Variants in BCR observed in about 807,000 individuals in gnomAD.
BCR encodes breakpoint cluster region protein.
Under a neutral mutation model 138.6 loss-of-function variants are expected in BCR, and 58 were observed. The observed-to-expected ratio is 0.42, with a 90% CI of 0.34 to 0.52. The LOEUF is 0.52. Ranked by LOEUF, BCR falls within the 20% of genes least tolerant of loss-of-function variation. The pLI, the probability that BCR is intolerant of heterozygous loss-of-function variation, is 0.06. For missense variants in BCR, 1,599 were observed against 1,727.2 expected (o/e 0.93, Z 1.32); for synonymous variants, 786 against 730.1 (o/e 1.08, Z -1.23).
chr22:23,264,212 G>A, intron 4 of BCR: 3 of 1,164,142 alleles, frequency 2.6e-6, no homozygotes, highest in Admixed American at 3.4e-5. Context: ...TACGGCTGTG[G>A]GACCGGCACC....
chr22:23,263,379 G>A (rs892259142), intron 4 of BCR: 36 of 1,247,714 alleles, frequency 2.9e-5, no homozygotes, highest in African/African-American at 5.9e-5. Context: ...CACGCGGCTC[G>A]GCACCAACCT....
intron 13 of BCR, chr22:23,289,949 G>C (rs935018464): frequency 2.0e-6 from 1 of 510,594 alleles, no homozygotes; most frequent in Non-Finnish European, 3.6e-6. Flanking sequence ...CTCTCCTCCA[G>C]CTACCTGCCA....
rs1348800073 is a variant in BCR at position 23,273,649 on chromosome 22, A to T, written c.1990A>T (p.Thr664Ser). 1.2e-6 allele frequency: 2 copies of T among 1,613,550 alleles called. No homozygotes were observed. The highest frequency in any genetic ancestry group is 1.7e-6 in the Non-Finnish European group (2 of 1,179,924). The change falls in exon 8 of 23, where the codon ACT (threonine) becomes TCT (serine). Residue 664 changes from threonine (T) to serine (S), a missense_variant. Transcript: ENST00000305877. ...TLVLHDLLKHTPASHPDHPLL... is the reference protein window; with the variant it reads ...TLVLHDLLKHSPASHPDHPLL... ...CCTGGGGCAGGACTTGCTGAAGCAC[A>T]CTCCTGCCAGCCACCCTGACCACCC...
Position 23,197,645 on chromosome 22 carries a change from C to T in BCR, c.1279+15406C>T, listed in dbSNP as rs370684961. Among the ~76,000 whole-genome samples, 12 of 152,152 alleles carry T rather than the reference C, an allele frequency of 7.9e-5. No individual in the cohort carries two copies. In the East Asian group the frequency reaches 1.7e-3, roughly 22 times the overall value. On this transcript the variant is annotated intron_variant, in intron 1 of 22. Coordinates refer to ENST00000305877, the MANE Select transcript of BCR (RefSeq NM_004327.4). ...GTTGGGGTCATCCTATGTGGGTCTC[C>T]GAAGCCAGGCTGAGGGTGTTGTGCT...
At chr22:23,296,106 T>TC (rs2073841988) in intron 16 of BCR, among the ~76,000 whole-genome samples, 2 of 152,078 alleles carry the variant, frequency 1.3e-5, no homozygotes. Context: ...CTGGGCGTGG[T>TC]GCTCACGCCT....
chr22:23,280,216 A>G lies in BCR; in HGVS notation c.2116-3761A>G, dbSNP rs545411605. Among the ~76,000 whole-genome samples, 72 of 152,316 alleles carry G rather than the reference A, an allele frequency of 4.7e-4. 1 individual carries two copies. The highest frequency in any genetic ancestry group is 1.7e-3 in the African/African-American group (72 of 41,578). Reference sequence around the variant, plus strand: ...ACTGGCCTTCCTGGGAAGGCCCTGGATAGGCTGTGCCTGGGGTTGGGGGTG... The same window carrying G: ...ACTGGCCTTCCTGGGAAGGCCCTGGGTAGGCTGTGCCTGGGGTTGGGGGTG... On this transcript the variant is annotated intron_variant, in intron 8 of 22. Coordinates refer to ENST00000305877, the MANE Select transcript of BCR (RefSeq NM_004327.4).
At chr22:23,200,823 G>A (rs1447640285) in intron 1 of BCR, among the ~76,000 whole-genome samples, 1 of 152,136 alleles carries the variant, frequency 6.6e-6, no homozygotes, top group Non-Finnish European at 1.5e-5. Context: ...GCCTCCCAAA[G>A]TGCTGGGACT....
At chr22:23,281,566 G>A (rs938135043) in intron 8 of BCR, among the ~76,000 whole-genome samples, 19 of 152,318 alleles carry the variant, frequency 1.2e-4, no homozygotes, top group African/African-American at 4.3e-4. Flanking sequence ...TGTGGGCTGG[G>A]AGGGCAGGCA....
rs142557670 is a variant in BCR at position 23,268,402 on chromosome 22, C to G, written c.1753-6C>G. 305 of 1,606,380 alleles carry G rather than the reference C, an allele frequency of 1.9e-4. 3 individuals carry two copies. In the South Asian group the frequency reaches 3.0e-3, roughly 16 times the overall value. On this transcript the variant is annotated splice_polypyrimidine_tract_variant and splice_region_variant and intron_variant, in intron 4 of 22. Transcript: ENST00000305877. ...GTCCCACTCTCTCTTCCTTCCTCCCCCTCAGGCCAGCCAGCTGGGTGTGTA... is the reference window on the plus strand; with the variant it reads ...GTCCCACTCTCTCTTCCTTCCTCCCGCTCAGGCCAGCCAGCTGGGTGTGTA...
chr22:23,274,670 G>A (rs1034876266), intron 8 of BCR, among the ~76,000 whole-genome samples: 1 of 152,130 alleles, frequency 6.6e-6, no homozygotes, highest in African/African-American at 2.4e-5. Flanking sequence ...AGCACTTTGG[G>A]AGGCCTAGGC....
At chr22:23,295,255 G>A (rs2073832968) in intron 16 of BCR, 100 bp downstream of exon 16, 2 of 1,290,880 alleles carry the variant, frequency 1.5e-6, no homozygotes. Context: ...CACCCAGGGT[G>A]GGGTGGGGTG....
At chr22:23,311,921 A>G (rs930127422) in intron 19 of BCR, 85 bp downstream of exon 19, 3 of 1,554,922 alleles carry the variant, frequency 1.9e-6, no homozygotes, top group Admixed American at 1.8e-5. Context: ...TGGCCCAGGC[A>G]TGTCACATCC....
chr22:23,271,951 G>T (rs558024852), intron 6 of BCR, among the ~76,000 whole-genome samples: 2 of 151,660 alleles, frequency 1.3e-5, no homozygotes, highest in Admixed American at 1.3e-4. Context: ...TCAGCCTCCC[G>T]AGTAGCTGGG....
chr22:23,239,037 C>T (rs1010123556), intron 1 of BCR, among the ~76,000 whole-genome samples: 6 of 152,162 alleles, frequency 3.9e-5, no homozygotes, highest in Non-Finnish European at 8.8e-5. Flanking sequence ...GGCACCTTCT[C>T]AGTCTGTCTC....
At chr22:23,243,890 C>T (rs571667646) in intron 1 of BCR, among the ~76,000 whole-genome samples, 1 of 152,154 alleles carries the variant, frequency 6.6e-6, no homozygotes, top group African/African-American at 2.4e-5. Flanking sequence ...ATCCGCCTGC[C>T]TCAGCCTCCC....
intron 1 of BCR, chr22:23,198,336 G>T: frequency 2.3e-6 from 1 of 442,488 alleles, no homozygotes; most frequent in Non-Finnish European, 4.4e-6. Flanking sequence ...GAGGGGACTG[G>T]TGGGCTGGAG....
Position 23,234,726 on chromosome 22 carries a change from C to T in BCR, c.1280-19073C>T, listed in dbSNP as rs368102645. 3.7e-4 allele frequency among the ~76,000 whole-genome samples: 39 copies of T among 106,584 alleles called. 3 individuals carry two copies. The highest frequency in any genetic ancestry group is 7.5e-3 in the Middle Eastern group (1 of 134). 69.9% of individuals were successfully genotyped at this position (106,584 alleles called of 152,430 possible). ...CCCAGGGGACCCAGGCTGATCAGGT[C>T]GCAGCGAGCATGAGGGGACTGTGCG... On this transcript the variant is annotated intron_variant, in intron 1 of 22. Transcript: ENST00000305877.
intron 1 of BCR, among the ~76,000 whole-genome samples, chr22:23,221,944 A>C (rs1398125593): frequency 6.6e-6 from 1 of 151,886 alleles, no homozygotes; most frequent in East Asian, 1.9e-4. Context: ...ACAAAAAATT[A>C]GCTGGGCGTG....
chr22:23,205,356 G>A (rs1229903921), intron 1 of BCR, among the ~76,000 whole-genome samples: 1 of 152,200 alleles, frequency 6.6e-6, no homozygotes, highest in Non-Finnish European at 1.5e-5. Context: ...CTGTCTCAAG[G>A]TGCACTTTGA....
Sources: gnomAD v4.1 joint callset for allele counts (sites outside exome capture counted in the v4.1 genomes callset) on GRCh38, gnomAD v4.1.1 for gene constraint, MANE v1.5 for transcripts, NCBI Gene and HGNC (gene_info 2026-07-23, HGNC 2026-07-21) for gene names.